The following GDPD4 variants were observed in gnomAD, a reference collection of about 807,000 sequenced individuals.
GDPD4 encodes the protein glycerophosphodiester phosphodiesterase domain containing 4, also known as glycerophosphodiester phosphodiesterase 6.
In GDPD4, 60 loss-of-function variants were observed where a neutral mutation model predicts 67.8. The ratio of observed to expected loss-of-function variants is 0.88; its 90% confidence interval spans 0.72 to 1.10. The LOEUF (loss-of-function observed/expected upper bound fraction) is 1.10, where lower values mean the gene tolerates loss of function less well. GDPD4 is among the 50% of genes least tolerant of loss of function. The probability of loss-of-function intolerance (pLI) is 0.00; values close to 1 mark genes in which losing one functional copy is unlikely to be tolerated. For synonymous variants in GDPD4, 212 were observed against 210.9 expected, an observed-to-expected ratio of 1.00 and a Z score of -0.04; for missense variants, 623 against 613.9, an observed-to-expected ratio of 1.01 and a Z score of -0.16.
chr11:77,241,805 A>G (rs1958670956), intron 13 of GDPD4, among the ~76,000 whole-genome samples: 1 of 151,954 alleles, frequency 6.6e-6, no homozygotes, highest in Admixed American at 6.6e-5. Flanking sequence ...TTAGCTGGGC[A>G]TGGTGGCGTG....
chr11:77,292,981 GC>G (rs1345404349), intron 1 of GDPD4, among the ~76,000 whole-genome samples: 1 of 151,922 alleles, frequency 6.6e-6, no homozygotes, highest in East Asian at 1.9e-4. Context: ...TTGTTAAAAA[GC>G]CTTGTTAAAC....
At chr11:77,291,529 T>C (rs1937776637) in intron 1 of GDPD4, among the ~76,000 whole-genome samples, 1 of 152,152 alleles carries the variant, frequency 6.6e-6, no homozygotes, top group African/African-American at 2.4e-5. Flanking sequence ...ATGTCCCTAG[T>C]ACAAAGAAAT....
intron 16 of GDPD4, among the ~76,000 whole-genome samples, chr11:77,218,677 A>G (rs1357783715): frequency 6.6e-6 from 1 of 152,068 alleles, no homozygotes; most frequent in African/African-American, 2.4e-5. Context: ...GCTCAGAATG[A>G]CGGTTTCCAG....
intron 14 of GDPD4, among the ~76,000 whole-genome samples, chr11:77,231,238 A>C (rs954454051): frequency 2.6e-5 from 4 of 152,246 alleles, no homozygotes; most frequent in Non-Finnish European, 4.4e-5. Flanking sequence ...TTTCTCAATT[A>C]CGAGACCAAT....
chr11:77,229,292 G>T (rs546733942), intron 14 of GDPD4, 60 bp from the exon 15 acceptor site: 3 of 1,011,116 alleles, frequency 3.0e-6, no homozygotes, highest in African/African-American at 3.2e-5. Context: ...TGGATCATAC[G>T]GTCTAAGTCC....
chr11:77,235,699 A>G (rs1052904615), intron 13 of GDPD4, among the ~76,000 whole-genome samples: 5 of 152,230 alleles, frequency 3.3e-5, no homozygotes, highest in African/African-American at 1.2e-4. Context: ...TCATGCCTAT[A>G]ATCCCAATGC....
intron 12 of GDPD4, among the ~76,000 whole-genome samples, chr11:77,244,659 G>A (rs993172764): frequency 2.6e-5 from 4 of 152,000 alleles, no homozygotes; most frequent in Non-Finnish European, 4.4e-5. Context: ...GGCAACATAG[G>A]GAGGCCCTGC....
chr11:77,293,884 A>G (rs1937862747), intron 1 of GDPD4, among the ~76,000 whole-genome samples: 1 of 152,186 alleles, frequency 6.6e-6, no homozygotes, highest in African/African-American at 2.4e-5. Flanking sequence ...AACCTTGTTC[A>G]ACATTGTACT....
chr11:77,237,329 T>C (rs1443163006), intron 13 of GDPD4, among the ~76,000 whole-genome samples: 1 of 152,236 alleles, frequency 6.6e-6, no homozygotes, highest in African/African-American at 2.4e-5. Flanking sequence ...ATCTCGGCAG[T>C]ATGTAGGTTA....
chr11:77,221,482 G>C (rs1457468335), intron 16 of GDPD4, among the ~76,000 whole-genome samples: 3 of 152,014 alleles, frequency 2.0e-5, no homozygotes, highest in South Asian at 2.1e-4. Flanking sequence ...CCTTCATTTC[G>C]TTATGTACCC....
chr11:77,290,982 T>C (rs895760695), intron 1 of GDPD4, among the ~76,000 whole-genome samples: 3 of 152,184 alleles, frequency 2.0e-5, no homozygotes, highest in African/African-American at 4.8e-5. Context: ...AACTAAAATA[T>C]TGTAGTAACC....
At chr11:77,227,714 G>A in intron 16 of GDPD4, 150 bp downstream of exon 16, 1 of 648,470 alleles carries the variant, frequency 1.5e-6, no homozygotes. Context: ...TCTATGCCCA[G>A]CCTATACTTC....
intron 1 of GDPD4, among the ~76,000 whole-genome samples, chr11:77,290,034 A>T (rs1419605464): frequency 6.6e-6 from 1 of 152,240 alleles, no homozygotes; most frequent in Non-Finnish European, 1.5e-5. Context: ...GGGTTCAGAC[A>T]TCCAGATAGT....
At chr11:77,228,499 C>CAAAAAAAAAAA (rs58364800) in intron 15 of GDPD4, among the ~76,000 whole-genome samples, 1 of 26,640 alleles carries the variant, frequency 3.8e-5, no homozygotes, top group African/African-American at 1.6e-4. Context: ...GACTCCGTCT[C>CAAAAAAAAAAA]AAAAAAAAAA....
intron 11 of GDPD4, among the ~76,000 whole-genome samples, chr11:77,253,324 T>A (rs1445542734): frequency 6.6e-6 from 1 of 152,132 alleles, no homozygotes; most frequent in African/African-American, 2.4e-5. Flanking sequence ...TGAGGCACCA[T>A]GTAGTGGCAA....
chr11:77,268,608 G>T, intron 9 of GDPD4, 69 bp from the exon 10 acceptor site: 1 of 1,235,436 alleles, frequency 8.1e-7, no homozygotes, highest in Non-Finnish European at 1.2e-6. Flanking sequence ...TTTGTGGTAG[G>T]GGTAGAGCCC....
chr11:77,260,550 G>C (rs1012516581), intron 10 of GDPD4, among the ~76,000 whole-genome samples: 3 of 151,912 alleles, frequency 2.0e-5, no homozygotes, highest in Non-Finnish European at 2.9e-5. Flanking sequence ...TAAACAAGCA[G>C]GAAAATGTGA....
intron 10 of GDPD4, among the ~76,000 whole-genome samples, chr11:77,264,142 C>T (rs1313991443): frequency 1.3e-5 from 2 of 152,120 alleles, no homozygotes; most frequent in Non-Finnish European, 2.9e-5. Flanking sequence ...ATAATAGCAG[C>T]CAAAAATTTT....
At chr11:77,238,167 A>AG (rs1475558178) in intron 13 of GDPD4, among the ~76,000 whole-genome samples, 2 of 152,210 alleles carry the variant, frequency 1.3e-5, no homozygotes, top group African/African-American at 2.4e-5. Flanking sequence ...ATAAACCCCT[A>AG]GCAAGACTGA....
Sources: gnomAD v4.1 joint callset for allele counts (sites outside exome capture counted in the v4.1 genomes callset) on GRCh38, gnomAD v4.1.1 for gene constraint, MANE v1.5 for transcripts, NCBI Gene and HGNC (gene_info 2026-07-23, HGNC 2026-07-21) for gene names.